The following KAZN variants were observed in gnomAD, a reference collection of about 807,000 sequenced individuals.
KAZN encodes the protein kazrin, periplakin interacting protein.
KAZN carries 40 observed loss-of-function variants against 87.4 expected under a neutral mutation model. The observed-to-expected ratio is 0.46, with a 90% confidence interval of 0.36 to 0.60. The LOEUF is 0.60. KAZN is among the 20% of genes least tolerant of loss of function. The pLI, the probability that KAZN is intolerant of heterozygous loss-of-function variation, is 0.00. For missense variants in KAZN, 898 were observed against 1,073.9 expected (o/e 0.84, Z 2.29); for synonymous variants, 466 against 458.3 (o/e 1.02, Z -0.22).
At chr1:13,893,935 A>C (rs1340821897) in intron 1 of KAZN, among the ~76,000 whole-genome samples, 2 of 152,348 alleles carry the variant, frequency 1.3e-5, no homozygotes, top group African/African-American at 4.8e-5. Flanking sequence ...GGCATTTATC[A>C]CTGTAAAAGA....
chr1:14,646,646 C>G (rs1294421990), intron 1 of KAZN, among the ~76,000 whole-genome samples: 1 of 152,072 alleles, frequency 6.6e-6, no homozygotes, highest in Non-Finnish European at 1.5e-5. Flanking sequence ...TGGCCTCTAC[C>G]CACCAGATGT....
intron 1 of KAZN, among the ~76,000 whole-genome samples, chr1:13,928,908 A>G (rs1159880390): frequency 6.6e-6 from 1 of 151,970 alleles, no homozygotes; most frequent in Non-Finnish European, 1.5e-5. Context: ...ATAGATTCTA[A>G]TCTTTGTTGT....
intron 1 of KAZN, among the ~76,000 whole-genome samples, chr1:13,953,034 T>C (rs913388624): frequency 1.3e-5 from 2 of 152,130 alleles, no homozygotes; most frequent in African/African-American, 4.8e-5. Flanking sequence ...CCCTGGAGTA[T>C]TGAGAAACCT....
intron 2 of KAZN, among the ~76,000 whole-genome samples, chr1:14,434,545 T>C (rs1666267246): frequency 6.6e-6 from 1 of 152,200 alleles, no homozygotes; most frequent in East Asian, 1.9e-4. Flanking sequence ...TGGAGTCAAT[T>C]AGACGATGCA....
intron 2 of KAZN, among the ~76,000 whole-genome samples, chr1:14,537,257 C>T (rs903082858): frequency 5.9e-5 from 9 of 152,168 alleles, no homozygotes; most frequent in African/African-American, 1.2e-4. Flanking sequence ...CCTGCTGAAC[C>T]CATGCAGGCT....
At chr1:14,557,636 GTGT>G (rs1673977496) in intron 2 of KAZN, among the ~76,000 whole-genome samples, 1 of 46,994 alleles carries the variant, frequency 2.1e-5, no homozygotes, top group Non-Finnish European at 5.5e-5. Flanking sequence ...GTGGGTGTGT[GTGT>G]GTGTGTGTGT....
At chr1:14,818,729 C>T (rs1284119849) in intron 1 of KAZN, among the ~76,000 whole-genome samples, 1 of 152,114 alleles carries the variant, frequency 6.6e-6, no homozygotes, top group Non-Finnish European at 1.5e-5. Context: ...CCTCCCAGAA[C>T]TTTGAGAAGG....
At chr1:14,761,153 G>T (rs903037055) in intron 1 of KAZN, among the ~76,000 whole-genome samples, 2 of 152,114 alleles carry the variant, frequency 1.3e-5, no homozygotes, top group Non-Finnish European at 2.9e-5. Flanking sequence ...ACTGGCTGGA[G>T]AATCCCAGCA....
At chr1:14,591,654 G>T (rs978827340) in intron 2 of KAZN, among the ~76,000 whole-genome samples, 2 of 152,178 alleles carry the variant, frequency 1.3e-5, no homozygotes, top group Non-Finnish European at 2.9e-5. Flanking sequence ...AACTGAGTTG[G>T]TTAAATATAT....
At chr1:15,059,447 C>T (rs1364979021) in intron 5 of KAZN, among the ~76,000 whole-genome samples, 3 of 152,098 alleles carry the variant, frequency 2.0e-5, no homozygotes, top group African/African-American at 7.2e-5. Context: ...TAGGCAGGGC[C>T]GTGGCACATC....
intron 1 of KAZN, among the ~76,000 whole-genome samples, chr1:14,717,400 G>A (rs922001411): frequency 6.6e-6 from 1 of 151,984 alleles, no homozygotes; most frequent in Non-Finnish European, 1.5e-5. Flanking sequence ...TTAGGAGGGC[G>A]ATGCTTCCTC....
intron 1 of KAZN, among the ~76,000 whole-genome samples, chr1:14,750,705 C>G (rs745487179): frequency 2.6e-5 from 4 of 152,130 alleles, no homozygotes; most frequent in Non-Finnish European, 2.9e-5. Context: ...ATTACTCTTG[C>G]ATGGAAGCAA....
chr1:15,076,487 C>T (rs1188267336), intron 8 of KAZN, among the ~76,000 whole-genome samples: 1 of 152,182 alleles, frequency 6.6e-6, no homozygotes, highest in Non-Finnish European at 1.5e-5. Flanking sequence ...GGAGATAAAA[C>T]ATATTGGCTG....
At chr1:14,953,705 T>C (rs564775813) in intron 1 of KAZN, among the ~76,000 whole-genome samples, 1 of 152,254 alleles carries the variant, frequency 6.6e-6, no homozygotes, top group South Asian at 2.1e-4. Flanking sequence ...GGAGGCTGGA[T>C]TTACAAACCT....
At chr1:14,721,347 AG>A in intron 1 of KAZN, among the ~76,000 whole-genome samples, 1 of 152,312 alleles carries the variant, frequency 6.6e-6, no homozygotes, top group Non-Finnish European at 1.5e-5. Context: ...TGCCATGTGA[AG>A]AAGGACATGT....
intron 2 of KAZN, among the ~76,000 whole-genome samples, chr1:14,964,354 G>A (rs1664213732): frequency 6.6e-6 from 1 of 152,158 alleles, no homozygotes; most frequent in Non-Finnish European, 1.5e-5. Context: ...AGTACCATTA[G>A]TGCCAATACT....
chr1:14,384,775 C>T (rs1481432579), intron 2 of KAZN, among the ~76,000 whole-genome samples: 4 of 151,526 alleles, frequency 2.6e-5, no homozygotes, highest in Non-Finnish European at 5.9e-5. Context: ...GTCTAAAATT[C>T]TCTTTTTTGG....
chr1:14,366,730 C>T (rs1453998780), intron 2 of KAZN, among the ~76,000 whole-genome samples: 1 of 152,216 alleles, frequency 6.6e-6, no homozygotes, highest in Non-Finnish European at 1.5e-5. Flanking sequence ...TGAGCTCTGC[C>T]ATCCACGGAT....
chr1:14,635,369 C>T (rs1452131572), intron 1 of KAZN, among the ~76,000 whole-genome samples: 1 of 152,144 alleles, frequency 6.6e-6, no homozygotes, highest in African/African-American at 2.4e-5. Flanking sequence ...GGCACTTGCC[C>T]GTGGATGTGA....
Sources: allele counts gnomAD v4.1 joint callset (sites outside exome capture counted in the v4.1 genomes callset), GRCh38; gene constraint gnomAD v4.1.1; transcripts MANE v1.5; gene names NCBI Gene and HGNC (gene_info 2026-07-23, HGNC 2026-07-21).